DUSP7: variants seen among roughly 807,000 people sequenced by gnomAD.
DUSP7 encodes dual specificity protein phosphatase 7.
A neutral mutation model predicts 29.8 loss-of-function variants in DUSP7; 7 were observed. That is an observed-to-expected ratio of 0.24 (90% CI 0.13 to 0.44). The LOEUF is 0.44. DUSP7 is among the 20% of genes least tolerant of loss of function. DUSP7 has a pLI of 1.00. For synonymous variants in DUSP7, 287 were observed against 275.4 expected, an observed-to-expected ratio of 1.04 and a Z score of -0.42; for missense variants, 400 against 583.7, an observed-to-expected ratio of 0.69 and a Z score of 3.24.
Position 52,050,736 on chromosome 3 carries a change from TGG to T in DUSP7, c.*77_*78del, listed in dbSNP as rs1374931290. ...ATCTGGGGGTTCCTCAGGCCAGAGG[TGG>T]CGGGCTTGGGCTCTCCCACCTAGCC... On this transcript the variant is annotated 3_prime_UTR_variant, in exon 3 of 3. Coordinates refer to ENST00000495880, the MANE Select transcript of DUSP7 (RefSeq NM_001947.4). The surrounding 1 kb of genome is among the most constrained non-coding windows in gnomAD (Gnocchi z 5.0). 10 of 1,457,704 alleles carry T rather than the reference TGG, an allele frequency of 6.9e-6. No homozygotes were observed. The highest frequency in any genetic ancestry group is 8.3e-6 in the Non-Finnish European group (9 of 1,081,568). 90.3% of individuals were successfully genotyped at this position (1,457,704 alleles called of 1,614,324 possible). A position where few individuals can be genotyped will look rare whatever the true frequency, so the allele number is the denominator to read the frequency against.
rs1366088633 is a variant in DUSP7 at position 52,051,927 on chromosome 3, A to T, written c.953-805T>A. The T allele has an allele frequency of 1.3e-5, 2 of 152,170 alleles. No homozygotes were observed. Among genetic ancestry groups the T allele is most frequent in the African/African-American group, 4.8e-5 (2 of 41,402 alleles). 9.4% of individuals were successfully genotyped at this position (152,170 alleles called of 1,614,324 possible). ...GGGCCCCACCCCTGCCACTTGCTAG[A>T]CCTTCCTCAGGAGGCCCATGTGTCA... On this transcript the variant is annotated intron_variant, in intron 2 of 2. Coordinates refer to ENST00000495880, the MANE Select transcript of DUSP7 (RefSeq NM_001947.4). The surrounding 1 kb of genome is among the most constrained non-coding windows in gnomAD (Gnocchi z 4.8).
chr3:52,055,495 T>C (rs755450671), intron 1 of DUSP7, among the ~76,000 whole-genome samples: 6 of 152,182 alleles, frequency 3.9e-5, no homozygotes, highest in Non-Finnish European at 8.8e-5. Flanking sequence ...AGGCTGGACT[T>C]GGGCGCCCTG....
At chr3:52,055,805 G>A (rs1701894899) in intron 1 of DUSP7, 45 bp downstream of exon 1, 5 of 1,475,730 alleles carry the variant, frequency 3.4e-6, no homozygotes, top group African/African-American at 2.8e-5. Context: ...TCAGGGAGTC[G>A]CGGGGGGGCC....
At position 52,049,718 on chromosome 3, in the gene DUSP7, G is replaced by A. The variant is rs1053919922; in HGVS notation, c.*1097C>T. On this transcript the variant is annotated 3_prime_UTR_variant, in exon 3 of 3. Transcript: ENST00000495880. ...ACAAGAGAGAGGAAAGGAAGAGAGAGGGAGGGGGGGAGAGAGAAAGAAAGA... is the reference window on the plus strand; with the variant it reads ...ACAAGAGAGAGGAAAGGAAGAGAGAAGGAGGGGGGGAGAGAGAAAGAAAGA... 2 of 152,084 alleles carry A rather than the reference G, an allele frequency of 1.3e-5. No individual in the cohort carries two copies. The highest frequency in any genetic ancestry group is 4.8e-5 in the African/African-American group (2 of 41,366). The allele number at this position is 152,084 out of a possible 1,614,324, so 9.4% of individuals were successfully genotyped here.
At position 52,050,773 on chromosome 3, in the gene DUSP7, G is replaced by A. The variant is rs1270722558; in HGVS notation, c.*42C>T. The stretch of plus-strand genomic sequence containing the variant: ...GCTCTCCCACCTAGCCCTGTGGAGA[G>A]CCGAGCAGGGGCCTGGTGCCATGCC... On this transcript the variant is annotated 3_prime_UTR_variant, in exon 3 of 3. Transcript: ENST00000495880. This position sits in a 1 kb window ranked among gnomAD's most constrained non-coding sequence, Gnocchi z 5.0. 6 of 1,577,220 alleles carry A rather than the reference G, an allele frequency of 3.8e-6. No homozygotes were observed. In the African/African-American group the frequency reaches 6.8e-5, roughly 18 times the overall value.
At chr3:52,055,322 A>T (rs773271877) in intron 1 of DUSP7, among the ~76,000 whole-genome samples, 14 of 152,268 alleles carry the variant, frequency 9.2e-5, no homozygotes, top group Non-Finnish European at 1.5e-4. Context: ...GAGCCTGCCC[A>T]TACCCTGCCC....
At chr3:52,055,807 G>A in intron 1 of DUSP7, 43 bp downstream of exon 1, 1 of 1,462,042 alleles carries the variant, frequency 6.8e-7, no homozygotes. Context: ...AGGGAGTCGC[G>A]GGGGGGCCCC....
At position 52,053,884 on chromosome 3, in the gene DUSP7, A is replaced by C. The variant is rs749607696; in HGVS notation, c.952+56T>G. The C allele has an allele frequency of 6.3e-7, 1 of 1,599,274 alleles. No homozygotes were observed. The highest frequency in any genetic ancestry group is 8.6e-7 in the Non-Finnish European group (1 of 1,167,244). On this transcript the variant is annotated intron_variant, in intron 2 of 2. Coordinates refer to ENST00000495880, the MANE Select transcript of DUSP7 (RefSeq NM_001947.4). The surrounding 1 kb of genome is among the most constrained non-coding windows in gnomAD (Gnocchi z 4.6). ...CCAGTCAGGCGGGGGCGCCACCCAGAGTCCTGCATACACCTTGATGCACCC... is the reference window on the plus strand; with the variant it reads ...CCAGTCAGGCGGGGGCGCCACCCAGCGTCCTGCATACACCTTGATGCACCC...
At position 52,056,311 on chromosome 3, in the gene DUSP7, GC is replaced by G. The variant is rs1164359598; in HGVS notation, c.55del (p.Ala19ArgfsTer321). The G allele has an allele frequency of 8.4e-7, 1 of 1,190,982 alleles. No individual in the cohort carries two copies. Among genetic ancestry groups the G allele is most frequent in the South Asian group, 3.9e-5 (1 of 25,368 alleles). The allele number at this position is 1,190,982 out of a possible 1,614,324, so 73.8% of individuals were successfully genotyped here. ...PARAHMSTSG[A>X]AAAGGTRAGS... ...CGCCCGGGTGCCCCCAGCCGCCGCC[GC>G]CCCCGAAGTCGACATGTGCGCCCGC... On this transcript the variant is annotated frameshift_variant, in exon 1 of 3. Coordinates refer to ENST00000495880, the MANE Select transcript of DUSP7 (RefSeq NM_001947.4). LOFTEE classifies it high-confidence loss of function. The surrounding 1 kb of genome is among the most constrained non-coding windows in gnomAD (Gnocchi z 6.4).
At position 52,056,194 on chromosome 3, in the gene DUSP7, T is replaced by A. The variant is rs750991708; in HGVS notation, c.173A>T (p.Glu58Val). ...CGCCTCCAGCTCCTCCTGCAGCCAC[T>A]CGGCGCTCTTGCAGGGCATGGCCCC... ...GAGAMPCKSA[E>V]WLQEELEARG... Residue 58 changes from glutamate (E) to valine (V), a missense_variant, in exon 1 of 3, where the codon GAG (glutamate) becomes GTG (valine). Physicochemically the swap from Glu to Val is moderately radical, Grantham distance 121. This residue lies in a region of DUSP7 where 96 missense variants were observed against 97.1 expected (regional missense o/e 0.99). Transcript: ENST00000495880. This position sits in a 1 kb window ranked among gnomAD's most constrained non-coding sequence, Gnocchi z 6.4. 1.3e-6 allele frequency: 2 copies of A among 1,559,786 alleles called. No homozygotes were observed. Among genetic ancestry groups the A allele is most frequent in the Non-Finnish European group, 1.7e-6 (2 of 1,160,008 alleles).
At chr3:52,055,704 G>T in intron 1 of DUSP7, 146 bp downstream of exon 1, 1 of 1,021,050 alleles carries the variant, frequency 9.8e-7, no homozygotes, top group Non-Finnish European at 1.4e-6. Flanking sequence ...TGGGGACCCG[G>T]CTCCAGGAGG....
rs775309075 is a variant in DUSP7 at position 52,050,787 on chromosome 3, T to G, written c.*28A>C. On this transcript the variant is annotated 3_prime_UTR_variant, in exon 3 of 3. Coordinates refer to ENST00000495880, the MANE Select transcript of DUSP7 (RefSeq NM_001947.4). The surrounding 1 kb of genome is among the most constrained non-coding windows in gnomAD (Gnocchi z 5.0). The stretch of plus-strand genomic sequence containing the variant: ...CCCTGTGGAGAGCCGAGCAGGGGCC[T>G]GGTGCCATGCCCCCCGTGCACCAGG... 4 of 1,595,562 alleles carry G rather than the reference T, an allele frequency of 2.5e-6. No homozygotes were observed. The highest frequency in any genetic ancestry group is 3.4e-6 in the Non-Finnish European group (4 of 1,167,872).
Position 52,054,536 on chromosome 3 carries a change from C to G in DUSP7, c.518-162G>C, listed in dbSNP as rs1701879148. Among the ~76,000 whole-genome samples the G allele has an allele frequency of 6.6e-6, 1 of 152,146 alleles. No homozygotes were observed. The highest frequency in any genetic ancestry group is 1.5e-5 in the Non-Finnish European group (1 of 68,022). On this transcript the variant is annotated intron_variant, in intron 1 of 2. Coordinates refer to ENST00000495880, the MANE Select transcript of DUSP7 (RefSeq NM_001947.4). This position sits in a 1 kb window ranked among gnomAD's most constrained non-coding sequence, Gnocchi z 4.1. The stretch of plus-strand genomic sequence containing the variant: ...TTACACGTGTGCCCTCTCTCGTGTT[C>G]TCTCCATCTAAACCATGACCACTTC...
intron 1 of DUSP7, among the ~76,000 whole-genome samples, chr3:52,055,242 T>C (rs932294489): frequency 6.9e-6 from 1 of 145,420 alleles, no homozygotes; most frequent in Non-Finnish European, 1.5e-5. Flanking sequence ...GTGCTACCTC[T>C]CCCTTCTGCA....
Position 52,050,481 on chromosome 3 carries a change from C to A in DUSP7, c.*334G>T. The stretch of plus-strand genomic sequence containing the variant: ...TTACCTGCCAAAAGTAAAAAGTAAA[C>A]TCAGGTCCGTGGATGTGTCTTTAAA... On this transcript the variant is annotated 3_prime_UTR_variant, in exon 3 of 3. Coordinates refer to ENST00000495880, the MANE Select transcript of DUSP7 (RefSeq NM_001947.4). This position sits in a 1 kb window ranked among gnomAD's most constrained non-coding sequence, Gnocchi z 5.0. The A allele has an allele frequency of 4.7e-6, 1 of 213,830 alleles. No homozygotes were observed. Among genetic ancestry groups the A allele is most frequent in the Non-Finnish European group, 9.3e-6 (1 of 107,958 alleles). 13.2% of individuals were successfully genotyped at this position (213,830 alleles called of 1,614,324 possible).
At position 52,053,182 on chromosome 3, in the gene DUSP7, C is replaced by A. The variant is rs1701862858; in HGVS notation, c.952+758G>T. 1 of 152,492 alleles carries A rather than the reference C, an allele frequency of 6.6e-6. No homozygotes were observed. The highest frequency in any genetic ancestry group is 2.4e-5 in the African/African-American group (1 of 41,438). 9.4% of individuals were successfully genotyped at this position (152,492 alleles called of 1,614,324 possible). On this transcript the variant is annotated intron_variant, in intron 2 of 2. Transcript: ENST00000495880. The surrounding 1 kb of genome is among the most constrained non-coding windows in gnomAD (Gnocchi z 4.6). ...ATAGAGCGTTTACATTCATCCTGAG[C>A]CCTCGTGCCCCTTCCTTGCACCCTG... is the stretch of plus-strand genomic sequence containing the variant.
Position 52,056,171 on chromosome 3 carries a change from C to T in DUSP7, c.196G>A (p.Ala66Thr), listed in dbSNP as rs1172510443. 2 of 1,585,442 alleles carry T rather than the reference C, an allele frequency of 1.3e-6. No individual in the cohort carries two copies. The highest frequency in any genetic ancestry group is 1.7e-6 in the Non-Finnish European group (2 of 1,172,816). The change falls in exon 1 of 3, where the codon GCG becomes ACG. Residue 66 changes from alanine (A) to threonine (T), a missense_variant. Ala to Thr is a moderately conservative substitution (Grantham distance 58). Transcript: ENST00000495880. This position sits in a 1 kb window ranked among gnomAD's most constrained non-coding sequence, Gnocchi z 6.4. ...SAEWLQEELE[A>T]RGGASLLLLD... The stretch of plus-strand genomic sequence containing the variant: ...AGCAGCAAGGACGCGCCGCCGCGCG[C>T]CTCCAGCTCCTCCTGCAGCCACTCG...
In DUSP7 at chr3:52,054,214, G is replaced by A; in HGVS notation, c.678C>T (p.Pro226=). The change falls in exon 2 of 3, where the codon CCC becomes CCT. Residue 226 remains proline (P), a synonymous_variant. Transcript: ENST00000495880. This position sits in a 1 kb window ranked among gnomAD's most constrained non-coding sequence, Gnocchi z 4.1. The part of the protein sequence containing the change: ...CSDGESDREL[P]SSATESDGSP... ...TGCCGTCTGACTCGGTGGCACTGCT[G>A]GGCAGCTCTCGGTCCGACTCGCCGT... is the stretch of plus-strand genomic sequence containing the variant. 1 of 1,611,982 alleles carries A rather than the reference G, an allele frequency of 6.2e-7. No homozygotes were observed. Among genetic ancestry groups the A allele is most frequent in the Non-Finnish European group, 8.5e-7 (1 of 1,178,442 alleles).
At position 52,050,256 on chromosome 3, in the gene DUSP7, C is replaced by G. The variant is rs948686889; in HGVS notation, c.*559G>C. On this transcript the variant is annotated 3_prime_UTR_variant, in exon 3 of 3. Coordinates refer to ENST00000495880, the MANE Select transcript of DUSP7 (RefSeq NM_001947.4). The surrounding 1 kb of genome is among the most constrained non-coding windows in gnomAD (Gnocchi z 5.0). ...TAAAAAACAAAAACAAAAACAAACA[C>G]GATACTTGCTTTTTGAAATTGAACG... 6.6e-6 allele frequency: 1 copy of G among 152,140 alleles called. No homozygotes were observed. Among genetic ancestry groups the G allele is most frequent in the Non-Finnish European group, 1.5e-5 (1 of 68,050 alleles). 9.4% of individuals were successfully genotyped at this position (152,140 alleles called of 1,614,324 possible).
Sources: allele counts gnomAD v4.1 joint callset (sites outside exome capture counted in the v4.1 genomes callset), GRCh38; gene constraint gnomAD v4.1.1; regional missense constraint gnomAD v4.1.1; non-coding constraint Gnocchi (gnomAD v3.1); transcripts MANE v1.5; gene names NCBI Gene and HGNC (gene_info 2026-07-23, HGNC 2026-07-21).